Variants in HPS5 observed in about 807,000 individuals in gnomAD.
HPS5 encodes HPS5 biogenesis of lysosomal organelles complex 2 subunit 2, also known as BLOC-2 complex member HPS5.
HPS5 carries 83 observed loss-of-function variants against 128.0 expected under a neutral mutation model. The observed-to-expected ratio is 0.65, with a 90% CI of 0.54 to 0.78. HPS5 has a LOEUF of 0.78. Among genes scored for constraint, HPS5 ranks in the 30% least tolerant of loss-of-function variants. The pLI, the probability that HPS5 is intolerant of heterozygous loss-of-function variation, is 0.00. For missense variants in HPS5, 1,281 were observed against 1,326.2 expected (o/e 0.97, Z 0.53); for synonymous variants, 475 against 470.2 (o/e 1.01, Z -0.13).
chr11:18,291,072 GCT>G (rs1413979116), intron 16 of HPS5, among the ~76,000 whole-genome samples: 1 of 152,190 alleles, frequency 6.6e-6, no homozygotes, highest in African/African-American at 2.4e-5. Context: ...ACAAAAATTA[GCT>G]GGGCGTGGTG....
intron 10 of HPS5, among the ~76,000 whole-genome samples, chr11:18,298,482 G>A (rs372045679): frequency 6.6e-5 from 10 of 152,124 alleles, no homozygotes; most frequent in African/African-American, 1.2e-4. Flanking sequence ...GTGACAGAGC[G>A]AGACTGTCTC....
intron 13 of HPS5, among the ~76,000 whole-genome samples, chr11:18,295,411 G>A (rs775272876): frequency 3.1e-4 from 47 of 152,142 alleles, no homozygotes; most frequent in Non-Finnish European, 8.8e-5. Context: ...CTAAAGAAAA[G>A]GTCTTTAACT....
intron 5 of HPS5, 25 bp downstream of exon 5, chr11:18,310,716 C>T (rs1012690671): frequency 1.9e-6 from 3 of 1,568,616 alleles, no homozygotes; most frequent in South Asian, 2.2e-5. Context: ...TCACTACATA[C>T]ACAAAGAATG....
intron 2 of HPS5, among the ~76,000 whole-genome samples, chr11:18,317,350 G>A (rs991794071): frequency 5.3e-5 from 8 of 151,808 alleles, no homozygotes; most frequent in African/African-American, 1.9e-4. Context: ...CCACCTCCCG[G>A]GTTCAAGTGA....
chr11:18,289,522 C>G (rs1860144344), intron 16 of HPS5, among the ~76,000 whole-genome samples: 1 of 151,940 alleles, frequency 6.6e-6, no homozygotes, highest in Non-Finnish European at 1.5e-5. Context: ...TTTGAACTTA[C>G]CTGAGGAGAA....
chr11:18,305,596 A>G, intron 7 of HPS5, 103 bp from the exon 8 acceptor site: 1 of 789,884 alleles, frequency 1.3e-6, no homozygotes. Flanking sequence ...AAACAAATTC[A>G]AGAGCCTAAC....
At chr11:18,319,255 CCA>C (rs10531816) in intron 1 of HPS5, among the ~76,000 whole-genome samples, 72,582 of 138,892 alleles carry the variant, frequency 0.52, 21,339 homozygotes, top group Non-Finnish European at 0.68. Flanking sequence ...AAGACAAATA[CCA>C]CACACACACA....
Position 18,285,361 on chromosome 11 carries a change from A to G in HPS5, c.2936T>C (p.Ile979Thr), listed in dbSNP as rs760563399. 2 of 1,608,890 alleles carry G rather than the reference A, an allele frequency of 1.2e-6. No homozygotes were observed. Among genetic ancestry groups the G allele is most frequent in the Admixed American group, 3.3e-5 (2 of 59,980 alleles). The part of the protein sequence containing the change: ...DFITKEKMTD[I>T]CRSCGFWPGY... ...TCTCACTTACCCACAAGACCTGCAG[A>G]TGTCTGTCATTTTCTCTTTGGTTAT... is the stretch of plus-strand genomic sequence containing the variant. The change falls in exon 20 of 23, where the codon ATC becomes ACC. Residue 979 changes from isoleucine to threonine, a missense_variant. Ile to Thr is a moderately conservative substitution (Grantham distance 89). Transcript: ENST00000349215.
chr11:18,280,842 T>A (rs1858803930), intron 22 of HPS5, among the ~76,000 whole-genome samples: 1 of 152,192 alleles, frequency 6.6e-6, no homozygotes, highest in Non-Finnish European at 1.5e-5. Flanking sequence ...ATAGTAAAAT[T>A]AATAAAAACA....
At position 18,305,468 on chromosome 11, in the gene HPS5, C is replaced by T. The variant is rs745838536; in HGVS notation, c.850G>A (p.Ala284Thr). Residue 284 changes from alanine to threonine, a missense_variant, in exon 8 of 23, where the codon GCT (alanine) becomes ACT (threonine). Physicochemically the swap from Ala to Thr is moderately conservative, Grantham distance 58. Transcript: ENST00000349215. ...AAAGACAAAGACTGGGAGGATCCAG[C>T]TGTATGATCATACTGAGGTTCTGAT... is the stretch of plus-strand genomic sequence containing the variant. ...LRSEPQYDHT[A>T]GSSQSLSFPK... is the part of the protein sequence containing the mutation. 1 of 1,610,378 alleles carries T rather than the reference C, an allele frequency of 6.2e-7. No homozygotes were observed. The highest frequency in any genetic ancestry group is 1.7e-5 in the Admixed American group (1 of 60,004).
Position 18,318,768 on chromosome 11 carries a change from CTTG to C in HPS5, c.-49-864_-49-862del, listed in dbSNP as rs575463342. 3.0e-4 allele frequency among the ~76,000 whole-genome samples: 45 copies of C among 152,148 alleles called. 1 individual carries two copies. Among genetic ancestry groups the C allele is most frequent in the Admixed American group, 7.2e-4 (11 of 15,276 alleles). On this transcript the variant is annotated intron_variant, in intron 1 of 22. Transcript: ENST00000349215. ...AAAAGTCATGAACTGTTTATACATT[CTTG>C]TTGTTTGTTCATGCTTTACGTTTTT...
At position 18,287,933 on chromosome 11, in the gene HPS5, C is replaced by T. The variant is rs142090060; in HGVS notation, c.2521G>A (p.Val841Ile). The T allele has an allele frequency of 8.1e-6, 13 of 1,614,052 alleles. No individual in the cohort carries two copies. Among genetic ancestry groups the T allele is most frequent in the Non-Finnish European group, 1.7e-6 (2 of 1,179,992 alleles). ...PTRLKLLDDE[V>I]PFDSPLLVVY... ...ACCAACAACGGACTATCAAAAGGAA[C>T]CTCGTCATCTAGTAACTTTAACCTT... is the stretch of plus-strand genomic sequence containing the variant. The change falls in exon 17 of 23, where the codon GTT becomes ATT. Residue 841 changes from valine (V) to isoleucine (I), a missense_variant. By Grantham distance (29) the Val-to-Ile change is conservative. Transcript: ENST00000349215.
At chr11:18,292,854 A>G (rs760035258) in intron 15 of HPS5, 45 bp downstream of exon 15, 58 of 1,389,342 alleles carry the variant, frequency 4.2e-5, no homozygotes, top group Non-Finnish European at 5.9e-5. Flanking sequence ...TTCGTTTACT[A>G]AACTGCCTTG....
intron 16 of HPS5, among the ~76,000 whole-genome samples, chr11:18,288,878 ATGTG>A (rs1336720658): frequency 1.3e-5 from 2 of 150,040 alleles, no homozygotes; most frequent in South Asian, 2.1e-4. Flanking sequence ...GGGTGTGTGC[ATGTG>A]TGTGTGTGTA....
chr11:18,322,009 T>C lies in HPS5; in HGVS notation c.-113A>G, dbSNP rs1412171805. ...TGAGAGGAGACCCAGTAACCAATTT[T>C]CAAAGCCAGGCTCACAGACCAGCAG... On this transcript the variant is annotated 5_prime_UTR_variant, in exon 1 of 23. Coordinates refer to ENST00000349215, the MANE Select transcript of HPS5 (RefSeq NM_181507.2). The C allele has an allele frequency of 6.5e-6, 1 of 152,888 alleles. No homozygotes were observed. The highest frequency in any genetic ancestry group is 2.4e-5 in the African/African-American group (1 of 41,458). 9.5% of individuals were successfully genotyped at this position (152,888 alleles called of 1,614,324 possible). A position where few individuals can be genotyped will look rare whatever the true frequency, so the allele number is the denominator to read the frequency against.
chr11:18,321,136 T>G (rs1369174920), intron 1 of HPS5, among the ~76,000 whole-genome samples: 3 of 152,144 alleles, frequency 2.0e-5, no homozygotes, highest in Non-Finnish European at 4.4e-5. Context: ...GTTTGAAATT[T>G]TCCACAATAA....
At chr11:18,293,762 G>C (rs1310477563) in intron 14 of HPS5, among the ~76,000 whole-genome samples, 1 of 152,150 alleles carries the variant, frequency 6.6e-6, no homozygotes, top group Non-Finnish European at 1.5e-5. Flanking sequence ...AATGGCGGGA[G>C]AATACTCTGG....
intron 9 of HPS5, among the ~76,000 whole-genome samples, chr11:18,300,421 C>T (rs891271067): frequency 7.2e-5 from 11 of 152,090 alleles, no homozygotes; most frequent in African/African-American, 2.7e-4. Context: ...TGGCTCACAC[C>T]TGTAATCATA....
intron 5 of HPS5, among the ~76,000 whole-genome samples, chr11:18,309,664 G>A (rs886562913): frequency 2.6e-5 from 4 of 152,092 alleles, no homozygotes; most frequent in Non-Finnish European, 4.4e-5. Flanking sequence ...AGGTCATGAC[G>A]GCAAACCAGA....
Sources: allele counts gnomAD v4.1 joint callset (sites outside exome capture counted in the v4.1 genomes callset), GRCh38; gene constraint gnomAD v4.1.1; transcripts MANE v1.5; gene names NCBI Gene and HGNC (gene_info 2026-07-23, HGNC 2026-07-21).